The following SPAG5 variants were observed in gnomAD, a reference collection of about 807,000 sequenced individuals.
SPAG5 encodes sperm-associated antigen 5.
Under a neutral mutation model 145.4 loss-of-function variants are expected in SPAG5, and 99 were observed. That is an observed-to-expected ratio of 0.68 (90% CI 0.58 to 0.80). The LOEUF (loss-of-function observed/expected upper bound fraction) is 0.80. Among genes scored for constraint, SPAG5 ranks in the 30% least tolerant of loss-of-function variants. The pLI is 0.00. For synonymous variants in SPAG5, 477 were observed against 525.4 expected, an observed-to-expected ratio of 0.91 and a Z score of 1.26; for missense variants, 1,192 against 1,416.0, an observed-to-expected ratio of 0.84 and a Z score of 2.54.
intron 2 of SPAG5, among the ~76,000 whole-genome samples, chr17:28,597,075 G>A (rs909513746): frequency 4.7e-5 from 7 of 149,406 alleles, no homozygotes; most frequent in East Asian, 2.0e-4. Context: ...CAACAAGAGC[G>A]AAACTCCATC....
At chr17:28,581,475 C>T (rs1181922004) in intron 15 of SPAG5, among the ~76,000 whole-genome samples, 2 of 151,082 alleles carry the variant, frequency 1.3e-5, no homozygotes, top group African/African-American at 2.4e-5. Flanking sequence ...CTCCTTTCCG[C>T]GTACTTGAAA....
intron 2 of SPAG5, among the ~76,000 whole-genome samples, chr17:28,597,679 T>C (rs551905719): frequency 5.3e-5 from 8 of 152,176 alleles, no homozygotes; most frequent in Non-Finnish European, 1.2e-4. Context: ...TCCCATCTCC[T>C]TCCAAAAATA....
chr17:28,578,594 CA>C, intron 20 of SPAG5, 66 bp from the exon 21 acceptor site: 2 of 1,609,398 alleles, frequency 1.2e-6, no homozygotes, highest in Non-Finnish European at 1.7e-6. Context: ...TGAACAAAAG[CA>C]AACCATTTCT....
Position 28,580,090 on chromosome 17 carries a change from C to T in SPAG5, c.2716G>A (p.Ala906Thr). The T allele has an allele frequency of 6.2e-7, 1 of 1,613,976 alleles. No homozygotes were observed. Among genetic ancestry groups the T allele is most frequent in the Non-Finnish European group, 8.5e-7 (1 of 1,179,928 alleles). ...TEQETLLLSTACPPTQEHPLP... is the reference protein window; with the variant it reads ...TEQETLLLSTTCPPTQEHPLP... Reference sequence around the variant, plus strand: ...GGGTGTTCCTGGGTGGGAGGACAGGCTGTACTCAGCAGAAGGGTCTCTTGT... The same window carrying T: ...GGGTGTTCCTGGGTGGGAGGACAGGTTGTACTCAGCAGAAGGGTCTCTTGT... Residue 906 changes from alanine (A) to threonine (T), a missense_variant, in exon 16 of 24, where the codon GCC (alanine) becomes ACC (threonine). Around this residue, in one of 5 missense-constraint regions of SPAG5, gnomAD observed 709 missense variants for 840.7 expected, o/e 0.84. Coordinates refer to ENST00000321765, the MANE Select transcript of SPAG5 (RefSeq NM_006461.4).
In SPAG5 at chr17:28,586,790, C is replaced by CA. The variant is rs573517209; in HGVS notation, c.1438-292dup. Among the ~76,000 whole-genome samples, 83 of 152,326 alleles carry CA rather than the reference C, an allele frequency of 5.4e-4. No individual in the cohort carries two copies. In the South Asian group the frequency reaches 6.8e-3, roughly 13 times the overall value. On this transcript the variant is annotated intron_variant, in intron 4 of 23. Coordinates refer to ENST00000321765, the MANE Select transcript of SPAG5 (RefSeq NM_006461.4). ...CAAGTGATCCACCGACTCGGCCTCC[C>CA]AAAGTGCTGGGATTACAGGGGTGAG...
chr17:28,584,587 C>T (rs1376823011), intron 11 of SPAG5, 65 bp downstream of exon 11: 16 of 1,599,384 alleles, frequency 1.0e-5, no homozygotes, highest in Non-Finnish European at 1.3e-5. Flanking sequence ...TCTAGTGCCA[C>T]ACTCCAAGCC....
At chr17:28,598,848 G>A in intron 1 of SPAG5, 48 bp downstream of exon 1, 1 of 1,604,294 alleles carries the variant, frequency 6.2e-7, no homozygotes, top group Non-Finnish European at 8.5e-7. Flanking sequence ...CGGTGCCCCC[G>A]CGACAGCAGC....
At position 28,584,633 on chromosome 17, in the gene SPAG5, C is replaced by CA. The variant is rs2070571388; in HGVS notation, c.2161+18dup. Reference sequence around the variant, plus strand: ...TCAAATGCTTACATGCATGCATACACACACACACACACAAACACCTGTTGC... The same window carrying CA: ...TCAAATGCTTACATGCATGCATACACAACACACACACACAAACACCTGTTGC... On this transcript the variant is annotated intron_variant, in intron 11 of 23. Coordinates refer to ENST00000321765, the MANE Select transcript of SPAG5 (RefSeq NM_006461.4). The CA allele has an allele frequency of 6.3e-7, 1 of 1,589,126 alleles. No individual in the cohort carries two copies. The highest frequency in any genetic ancestry group is 1.1e-5 in the South Asian group (1 of 90,422).
chr17:28,587,423 G>T (rs1326297717), intron 4 of SPAG5, among the ~76,000 whole-genome samples: 1 of 151,772 alleles, frequency 6.6e-6, no homozygotes, highest in African/African-American at 2.4e-5. Flanking sequence ...GCACGTGCCT[G>T]TAATCCCAGC....
chr17:28,593,787 CAG>C (rs1273317512), intron 2 of SPAG5, among the ~76,000 whole-genome samples: 1 of 151,942 alleles, frequency 6.6e-6, no homozygotes, highest in Non-Finnish European at 1.5e-5. Context: ...CTGGAAGACA[CAG>C]ATGATAATCT....
At position 28,592,231 on chromosome 17, in the gene SPAG5, G is replaced by C. The variant is rs1312964445; in HGVS notation, c.1013C>G (p.Ser338Cys). ...CAGCCAGGCCAGTGGGGACATCCAA[G>C]ACTCTGTATCAGAGCCAAGAATCCT... is the stretch of plus-strand genomic sequence containing the variant. ...VGRILGSDTE[S>C]WMSPLAWLEK... The change falls in exon 3 of 24, where the codon TCT becomes TGT. Residue 338 changes from serine (S) to cysteine (C), a missense_variant. Coordinates refer to ENST00000321765, the MANE Select transcript of SPAG5 (RefSeq NM_006461.4). 6 of 1,614,210 alleles carry C rather than the reference G, an allele frequency of 3.7e-6. No individual in the cohort carries two copies. The South Asian group carries it at 4.4e-5, about 12-fold the overall frequency.
chr17:28,595,784 GC>G (rs1267453588), intron 2 of SPAG5, among the ~76,000 whole-genome samples: 1 of 151,788 alleles, frequency 6.6e-6, no homozygotes, highest in African/African-American at 2.4e-5. Context: ...GGTGGCTCAC[GC>G]CCGTAATCCC....
rs370331917 is a variant in SPAG5 at position 28,584,388 on chromosome 17, T to A, written c.2254A>T (p.Met752Leu). The part of the protein sequence containing the change: ...QHTHCAQDLA[M>L]KDELLCQLTQ... ...AGCTGGCAGAGTAACTCATCCTTCATAGCCAGGTCCTGGGCACAATGGGTA... is the reference window on the plus strand; with the variant it reads ...AGCTGGCAGAGTAACTCATCCTTCAAAGCCAGGTCCTGGGCACAATGGGTA... Residue 752 changes from methionine to leucine, a missense_variant, in exon 12 of 24, where the codon ATG (methionine) becomes TTG (leucine). Met to Leu is a conservative substitution (Grantham distance 15). This residue lies in a region of SPAG5 where 709 missense variants were observed against 840.7 expected (regional missense o/e 0.84). Transcript: ENST00000321765. 1 of 1,614,238 alleles carries A rather than the reference T, an allele frequency of 6.2e-7. No individual in the cohort carries two copies. Among genetic ancestry groups the A allele is most frequent in the Non-Finnish European group, 8.5e-7 (1 of 1,180,042 alleles).
Position 28,584,679 on chromosome 17 carries a change from C to T in SPAG5, c.2134G>A (p.Glu712Lys). ...EECKGQTEQL[E>K]LENSRLATDL... is the part of the protein sequence containing the mutation. The stretch of plus-strand genomic sequence containing the variant: ...GTTGCTAGACGACTGTTTTCCAACT[C>T]CAGTTGTTCTGTTTGGCCTTTGCAC... The change falls in exon 11 of 24, where the codon GAG (glutamate) becomes AAG (lysine). Residue 712 changes from glutamate (E) to lysine (K), a missense_variant. Physicochemically the swap from Glu to Lys is moderately conservative, Grantham distance 56. Transcript: ENST00000321765. 1 of 1,614,120 alleles carries T rather than the reference C, an allele frequency of 6.2e-7. No homozygotes were observed. Among genetic ancestry groups the T allele is most frequent in the Non-Finnish European group, 8.5e-7 (1 of 1,179,970 alleles).
rs1243770517 is a variant in SPAG5, at chr17:28,578,052, C to T, written c.3468G>A (p.Lys1156=). Residue 1156 remains lysine (K), a synonymous_variant, in exon 23 of 24, where the codon AAG becomes AAA. Transcript: ENST00000321765. ...CAATGTCATCTAGTTTTTCTAACTC[C>T]TTGTCAGAGCGCCGAAGGTTCTCCT... ...ILEENLRRSD[K]ELEKLDDIVQ... The T allele has an allele frequency of 3.1e-6, 5 of 1,614,006 alleles. No individual in the cohort carries two copies. The highest frequency in any genetic ancestry group is 3.3e-5 in the Admixed American group (2 of 60,010).
chr17:28,598,596 G>A lies in SPAG5; in HGVS notation c.91C>T (p.Leu31=), dbSNP rs895101330. 1.9e-6 allele frequency: 3 copies of A among 1,612,534 alleles called. No individual in the cohort carries two copies. Among genetic ancestry groups the A allele is most frequent in the Non-Finnish European group, 2.5e-6 (3 of 1,179,206 alleles). The stretch of plus-strand genomic sequence containing the variant: ...GAGTTGGTGAGGGCACCGGGCTGCA[G>A]GGTAAGTTCACGGAGAGGAGTTCTC... ...SMRTPLRELT[L]QPGALTNSGK... is the part of the protein sequence containing the mutation. Residue 31 remains leucine (L), a synonymous_variant, in exon 2 of 24, where the codon CTG becomes TTG. Coordinates refer to ENST00000321765, the MANE Select transcript of SPAG5 (RefSeq NM_006461.4).
rs148213797 is a variant in SPAG5 at position 28,592,487 on chromosome 17, C to G, written c.757G>C (p.Ala253Pro). ...TTGACACGGAAATCTGCTGCCAAGG[C>G]AGTTGAAGGGGAAAGCCAGAGAACA... ...SSVLWLSPST[A>P]LAADFRVNHV... The change falls in exon 3 of 24, where the codon GCC becomes CCC. Residue 253 changes from alanine (A) to proline (P), a missense_variant. Transcript: ENST00000321765. 1 of 1,613,898 alleles carries G rather than the reference C, an allele frequency of 6.2e-7. No homozygotes were observed. The highest frequency in any genetic ancestry group is 2.2e-5 in the East Asian group (1 of 44,882).
chr17:28,583,554 A>G lies in SPAG5; in HGVS notation c.2642T>C (p.Leu881Pro). 3 of 1,613,028 alleles carry G rather than the reference A, an allele frequency of 1.9e-6. No homozygotes were observed. Among genetic ancestry groups the G allele is most frequent in the Non-Finnish European group, 2.5e-6 (3 of 1,179,688 alleles). Residue 881 changes from leucine to proline, a missense_variant, in exon 15 of 24, where the codon CTA becomes CCA. By Grantham distance (98) the Leu-to-Pro change is moderately conservative. Around this residue, in one of 5 missense-constraint regions of SPAG5, gnomAD observed 709 missense variants for 840.7 expected, o/e 0.84. Coordinates refer to ENST00000321765, the MANE Select transcript of SPAG5 (RefSeq NM_006461.4). ...CTGTAGAAAGAGAGTCAGGCTCTGT[A>G]GTTGCTCAGTCAGCAGCCCTAGCTT... ...SQKLGLLTEQ[L>P]QSLTLFLQTK... is the part of the protein sequence containing the mutation.
chr17:28,579,645 G>C (rs2070536641), intron 17 of SPAG5, 106 bp downstream of exon 17: 1 of 1,383,716 alleles, frequency 7.2e-7, no homozygotes, highest in African/African-American at 1.4e-5. Context: ...ATGAGCCCAA[G>C]TAGAATTGAG....
Sources: gnomAD v4.1 joint callset for allele counts (sites outside exome capture counted in the v4.1 genomes callset) on GRCh38, gnomAD v4.1.1 for gene constraint, gnomAD v4.1.1 regional missense constraint, MANE v1.5 for transcripts, NCBI Gene and HGNC (gene_info 2026-07-23, HGNC 2026-07-21) for gene names.